ZBTB7C: variants seen among roughly 807,000 people sequenced by gnomAD.
The protein encoded by ZBTB7C is zinc finger and BTB domain-containing protein 7C.
Under a neutral mutation model 25.7 loss-of-function variants are expected in ZBTB7C, and 8 were observed. The observed-to-expected ratio is 0.31, with a 90% CI of 0.18 to 0.56. ZBTB7C has a LOEUF of 0.56. Among genes scored for constraint, ZBTB7C ranks in the 20% least tolerant of loss-of-function variants. The pLI, the probability that ZBTB7C is intolerant of heterozygous loss-of-function variation, is 0.91. For missense variants in ZBTB7C, 824 were observed against 855.2 expected (o/e 0.96, Z 0.46); for synonymous variants, 394 against 369.0 (o/e 1.07, Z -0.78).
chr18:48,389,378 A>C (rs1433357186), intron 1 of ZBTB7C, among the ~76,000 whole-genome samples: 1 of 151,472 alleles, frequency 6.6e-6, no homozygotes, highest in Non-Finnish European at 1.5e-5. Context: ...CAAAAAAAAA[A>C]AAAAAAAGTG....
chr18:48,137,591 C>T (rs1568248261), intron 3 of ZBTB7C, among the ~76,000 whole-genome samples: 1 of 152,196 alleles, frequency 6.6e-6, no homozygotes. Flanking sequence ...TATATGTTTT[C>T]TCCTTACAGG....
chr18:48,145,171 A>G (rs934391293), intron 3 of ZBTB7C, among the ~76,000 whole-genome samples: 1 of 152,164 alleles, frequency 6.6e-6, no homozygotes, highest in African/African-American at 2.4e-5. Context: ...CCTGCTGACT[A>G]TATGTCCCAC....
chr18:48,341,548 T>G (rs555386195), intron 1 of ZBTB7C, among the ~76,000 whole-genome samples: 1 of 152,376 alleles, frequency 6.6e-6, no homozygotes, highest in South Asian at 2.1e-4. Flanking sequence ...ACTGTAGGGC[T>G]GGTGACAGCA....
intron 1 of ZBTB7C, among the ~76,000 whole-genome samples, chr18:48,374,667 G>A (rs1010610760): frequency 1.3e-5 from 2 of 152,212 alleles, no homozygotes; most frequent in Non-Finnish European, 2.9e-5. Context: ...GTGTTCACCA[G>A]CCTGGTATTA....
chr18:48,092,305 C>T (rs188730578), intron 3 of ZBTB7C, among the ~76,000 whole-genome samples: 13 of 152,368 alleles, frequency 8.5e-5, no homozygotes, highest in Admixed American at 7.8e-4. Context: ...CCCAACGCCC[C>T]TGTACCCATT....
chr18:48,245,684 C>T (rs2043672711), intron 2 of ZBTB7C, among the ~76,000 whole-genome samples: 1 of 151,946 alleles, frequency 6.6e-6, no homozygotes, highest in Non-Finnish European at 1.5e-5. Flanking sequence ...ATTCAGGAAA[C>T]AGGACATCCA....
intron 3 of ZBTB7C, among the ~76,000 whole-genome samples, chr18:48,045,306 C>A (rs571468103): frequency 6.6e-6 from 1 of 152,250 alleles, no homozygotes; most frequent in African/African-American, 2.4e-5. Flanking sequence ...CCCTTGCTCG[C>A]TCCCCAGACA....
chr18:48,207,919 G>T (rs183919502), intron 2 of ZBTB7C, among the ~76,000 whole-genome samples: 2 of 152,270 alleles, frequency 1.3e-5, no homozygotes, highest in East Asian at 1.9e-4. Context: ...TATCCAGAGT[G>T]CTGGGAATGT....
At chr18:48,116,956 C>T (rs891237669) in intron 3 of ZBTB7C, among the ~76,000 whole-genome samples, 4 of 152,114 alleles carry the variant, frequency 2.6e-5, no homozygotes, top group Non-Finnish European at 4.4e-5. Context: ...TCTTTCCTAG[C>T]TCCCACGGCA....
At chr18:48,284,315 T>C (rs2044966169) in intron 2 of ZBTB7C, among the ~76,000 whole-genome samples, 1 of 152,132 alleles carries the variant, frequency 6.6e-6, no homozygotes, top group South Asian at 2.1e-4. Context: ...AGGGCATGCC[T>C]GTAATCCCAG....
intron 3 of ZBTB7C, among the ~76,000 whole-genome samples, chr18:48,137,580 TTA>T (rs1393309528): frequency 1.3e-5 from 2 of 152,240 alleles, no homozygotes; most frequent in African/African-American, 4.8e-5. Flanking sequence ...ATTACTAGAA[TTA>T]TATGTTTTCT....
At chr18:48,409,144 C>G (rs1201616814) in intron 1 of ZBTB7C, 82 bp downstream of exon 1, 1 of 150,274 alleles carries the variant, frequency 6.7e-6, no homozygotes, top group Non-Finnish European at 1.5e-5. Context: ...CGCGACCTCC[C>G]GAACTGCCTC....
chr18:48,145,800 G>C (rs2040482466), intron 3 of ZBTB7C, among the ~76,000 whole-genome samples: 2 of 152,130 alleles, frequency 1.3e-5, no homozygotes, highest in Non-Finnish European at 1.5e-5. Context: ...TCTACCTCTG[G>C]ATAGCATTAC....
intron 2 of ZBTB7C, among the ~76,000 whole-genome samples, chr18:48,244,514 G>C (rs1284801852): frequency 1.3e-5 from 2 of 152,112 alleles, no homozygotes; most frequent in Non-Finnish European, 2.9e-5. Context: ...AACCCACAGA[G>C]TGGGAGAAAA....
intron 3 of ZBTB7C, among the ~76,000 whole-genome samples, chr18:48,095,839 C>G (rs758940575): frequency 6.6e-6 from 1 of 152,212 alleles, no homozygotes; most frequent in South Asian, 2.1e-4. Context: ...GTCTCCTACC[C>G]TTGATTCCCC....
At position 48,040,649 on chromosome 18, in the gene ZBTB7C, G is replaced by T; in HGVS notation, c.459C>A (p.Asp153Glu). ...CCTCCTCTTCCTCCTCCTCCTCTTC[G>T]TCCTCCTCATCATCATCATCTTCGT... is the stretch of plus-strand genomic sequence containing the variant. The part of the protein sequence containing the change: ...DDDEDDDDEE[D>E]EEEEEEEEED... The change falls in exon 4 of 5, where the codon GAC (aspartate) becomes GAA (glutamate). Residue 153 changes from aspartate (D) to glutamate (E), a missense_variant. Asp to Glu is a conservative substitution (Grantham distance 45). Coordinates refer to ENST00000590800, the MANE Select transcript of ZBTB7C (RefSeq NM_001318841.2). The T allele has an allele frequency of 6.2e-7, 1 of 1,612,778 alleles. No individual in the cohort carries two copies. The highest frequency in any genetic ancestry group is 8.5e-7 in the Non-Finnish European group (1 of 1,179,368).
intron 2 of ZBTB7C, among the ~76,000 whole-genome samples, chr18:48,193,753 T>G (rs2042254402): frequency 6.6e-6 from 1 of 152,178 alleles, no homozygotes; most frequent in Admixed American, 6.5e-5. Context: ...GGCAGGCGCG[T>G]GGAGTCATCT....
At chr18:48,331,382 T>C (rs2046339314) in intron 2 of ZBTB7C, among the ~76,000 whole-genome samples, 1 of 152,190 alleles carries the variant, frequency 6.6e-6, no homozygotes, top group Non-Finnish European at 1.5e-5. Flanking sequence ...ATTTTACAGA[T>C]AGAAAAACTG....
intron 2 of ZBTB7C, among the ~76,000 whole-genome samples, chr18:48,283,918 G>A (rs149981736): frequency 0.049 from 7,421 of 152,128 alleles, 242 homozygotes; most frequent in Non-Finnish European, 0.071. Context: ...AGGCAAAGGC[G>A]GGCAGATCAC....
Sources: gnomAD v4.1 joint callset for allele counts (sites outside exome capture counted in the v4.1 genomes callset) on GRCh38, gnomAD v4.1.1 for gene constraint, MANE v1.5 for transcripts, NCBI Gene and HGNC (gene_info 2026-07-23, HGNC 2026-07-21) for gene names.